The following DMD variants were observed in gnomAD, a reference collection of about 807,000 sequenced individuals.
DMD encodes dystrophin, also known as mutant dystrophin.
Under a neutral mutation model 330.1 loss-of-function variants are expected in DMD, and 63 were observed. The observed-to-expected ratio is 0.19, with a 90% confidence interval of 0.16 to 0.24. DMD has a LOEUF of 0.24. Among genes scored for constraint, DMD ranks in the 10% least tolerant of loss-of-function variants. DMD has a pLI of 1.00. For missense variants in DMD, 3,344 were observed against 2,684.1 expected (o/e 1.25, Z -5.43); for synonymous variants, 1,223 against 959.8 (o/e 1.27, Z -5.07).
intron 44 of DMD, among the ~76,000 whole-genome samples, chrX:31,989,270 G>A (rs1292389880): frequency 4.5e-5 from 5 of 111,503 alleles, no homozygotes; most frequent in Admixed American, 1.9e-4. Flanking sequence ...GGTACCCTGC[G>A]GCCCAGCCAA....
rs199807625 is a variant in DMD at position 32,389,558 on chromosome X, T to A, written c.4461A>T (p.Ala1487=). Residue 1487 remains alanine (A), a synonymous_variant, in exon 32 of 79, where the codon GCA becomes GCT. Coordinates refer to ENST00000357033, the MANE Select transcript of DMD (RefSeq NM_004006.3). ...ILDEVKMHLP[A]LETKSVEQEV... ...CCTGTTCCACACTCTTTGTTTCCAATGCAGGCAAGTGCATCTTCACTTCAT... is the reference window on the plus strand; with the variant it reads ...CCTGTTCCACACTCTTTGTTTCCAAAGCAGGCAAGTGCATCTTCACTTCAT... 1.7e-6 allele frequency: 2 copies of A among 1,209,280 alleles called. No individual in the cohort carries two copies. Among genetic ancestry groups the A allele is most frequent in the African/African-American group, 1.7e-5 (1 of 57,270 alleles).
chrX:31,380,877 A>T (rs1304822344), intron 60 of DMD, among the ~76,000 whole-genome samples: 1 of 108,446 alleles, frequency 9.2e-6, no homozygotes, highest in South Asian at 3.9e-4. Flanking sequence ...GGCTTCACAG[A>T]CAGCCCCCAT....
rs1482593674 is a variant in DMD, at chrX:32,554,817, GGAGGGAGGGGGAGGGAGAGAGAGAGA to G, written c.1993-9509_1993-9484del. ...CAAAACCTGGGAGGGAGGGAGGGAG[GGAGGGAGGGGGAGGGAGAGAGAGAGA>G]GAGAGAGAGAGAGAGAGAGAGAGAG... is the stretch of plus-strand genomic sequence containing the variant. On this transcript the variant is annotated intron_variant, in intron 16 of 78. Coordinates refer to ENST00000357033, the MANE Select transcript of DMD (RefSeq NM_004006.3). Among the ~76,000 whole-genome samples, 425 of 49,909 alleles carry G rather than the reference GGAGGGAGGGGGAGGGAGAGAGAGAGA, an allele frequency of 8.5e-3. 23 individuals carry two copies. Among genetic ancestry groups the G allele is most frequent in the South Asian group, 0.017 (9 of 537 alleles). The allele number at this position is 49,909 out of a possible 115,157, so 43.3% of individuals were successfully genotyped here.
chrX:32,890,638 T>C (rs1603458793), intron 2 of DMD, among the ~76,000 whole-genome samples: 1 of 111,271 alleles, frequency 9.0e-6, no homozygotes, highest in Non-Finnish European at 1.9e-5. Flanking sequence ...TTTGTTTCTT[T>C]GGTAAGAAGG....
intron 2 of DMD, among the ~76,000 whole-genome samples, chrX:32,899,688 A>C (rs2086063109): frequency 9.1e-6 from 1 of 109,790 alleles, no homozygotes; most frequent in African/African-American, 3.3e-5. Context: ...AAAAAAAAAA[A>C]AGAAAGAAAA....
At chrX:31,730,134 T>C (rs1011553433) in intron 51 of DMD, among the ~76,000 whole-genome samples, 1 of 111,854 alleles carries the variant, frequency 8.9e-6, no homozygotes, top group Non-Finnish European at 1.9e-5. Flanking sequence ...AAAATTAAGG[T>C]ATATTTATTT....
chrX:33,076,053 C>CGTTTTGCAGACCCT (rs2094835946), intron 1 of DMD, among the ~76,000 whole-genome samples: 1 of 111,471 alleles, frequency 9.0e-6, no homozygotes, highest in South Asian at 3.8e-4. Flanking sequence ...GTGCTTGAGA[C>CGTTTTGCAGACCCT]GTTTTGCAGA....
At chrX:32,868,396 TC>T (rs1261559083) in intron 2 of DMD, among the ~76,000 whole-genome samples, 1 of 110,887 alleles carries the variant, frequency 9.0e-6, no homozygotes, top group Non-Finnish European at 1.9e-5. Context: ...GACTGAGCTC[TC>T]CCGGGGAGGG....
At chrX:32,850,535 T>C (rs760227191) in intron 2 of DMD, among the ~76,000 whole-genome samples, 1 of 112,089 alleles carries the variant, frequency 8.9e-6, no homozygotes, top group African/African-American at 3.2e-5. Context: ...AGCAGTAACA[T>C]ACTTAACCTC....
At chrX:31,372,405 T>C (rs2059640729) in intron 60 of DMD, among the ~76,000 whole-genome samples, 3 of 111,835 alleles carry the variant, frequency 2.7e-5, no homozygotes, top group Admixed American at 1.9e-4. Flanking sequence ...TAATGAAAGA[T>C]GAATTGAAGG....
At chrX:33,328,492 G>A (rs757761826) in intron 1 of DMD, among the ~76,000 whole-genome samples, 1 of 111,094 alleles carries the variant, frequency 9.0e-6, no homozygotes, top group Non-Finnish European at 1.9e-5. Flanking sequence ...CACCACGCCC[G>A]GCCCATACAG....
intron 1 of DMD, among the ~76,000 whole-genome samples, chrX:33,197,857 G>A (rs768628045): frequency 9.0e-6 from 1 of 111,045 alleles, no homozygotes; most frequent in African/African-American, 3.3e-5. Context: ...TACTTGAGCT[G>A]TTTCTTGTTT....
At chrX:31,955,880 C>G (rs901879716) in intron 45 of DMD, among the ~76,000 whole-genome samples, 1 of 111,733 alleles carries the variant, frequency 8.9e-6, no homozygotes, top group Non-Finnish European at 1.9e-5. Flanking sequence ...TATATTGGGC[C>G]AAATATTAGA....
At chrX:32,737,207 G>C (rs192771293) in intron 7 of DMD, among the ~76,000 whole-genome samples, 90 of 109,712 alleles carry the variant, frequency 8.2e-4, no homozygotes, top group African/African-American at 2.8e-3. Flanking sequence ...GCCACCTGGT[G>C]CTTCAAGACG....
intron 62 of DMD, among the ~76,000 whole-genome samples, chrX:31,275,735 A>G (rs2147837875): frequency 9.0e-6 from 1 of 111,677 alleles, no homozygotes; most frequent in East Asian, 2.8e-4. Flanking sequence ...GAACTAAGAA[A>G]GGAGCACTGG....
intron 60 of DMD, among the ~76,000 whole-genome samples, chrX:31,362,584 C>G (rs761243039): frequency 1.2e-4 from 14 of 112,611 alleles, no homozygotes; most frequent in Non-Finnish European, 2.4e-4. Flanking sequence ...ATAAGGAATA[C>G]TTAACTTGTT....
intron 4 of DMD, among the ~76,000 whole-genome samples, chrX:32,843,569 C>A (rs1178784988): frequency 8.9e-6 from 1 of 112,150 alleles, no homozygotes. Flanking sequence ...ATCTCCCTGC[C>A]AGATAAGCTG....
chrX:31,750,009 A>C (rs1265892325), intron 51 of DMD, among the ~76,000 whole-genome samples: 1 of 108,790 alleles, frequency 9.2e-6, no homozygotes, highest in East Asian at 2.9e-4. Context: ...TTTTCTTGTA[A>C]ATTTGTTGGA....
chrX:32,136,320 T>C (rs1295923689), intron 44 of DMD, among the ~76,000 whole-genome samples: 1 of 112,524 alleles, frequency 8.9e-6, no homozygotes, highest in Non-Finnish European at 1.9e-5. Context: ...TTCTTTATCA[T>C]GCCCCCTGGG....
Sources: gnomAD v4.1 joint callset for allele counts (sites outside exome capture counted in the v4.1 genomes callset) on GRCh38, gnomAD v4.1.1 for gene constraint, MANE v1.5 for transcripts, NCBI Gene and HGNC (gene_info 2026-07-23, HGNC 2026-07-21) for gene names.